Variants in FHOD3 observed in about 807,000 individuals in gnomAD.
FHOD3 encodes the protein formin homology 2 domain containing 3, also known as FH1/FH2 domain-containing protein 3.
Under a neutral mutation model 173.0 loss-of-function variants are expected in FHOD3, and 90 were observed. That is an observed-to-expected ratio of 0.52 (90% CI 0.44 to 0.62). FHOD3 has a LOEUF of 0.62. FHOD3 is among the 20% of genes least tolerant of loss of function. The probability of loss-of-function intolerance (pLI) is 0.00; values close to 1 mark genes in which losing one functional copy is unlikely to be tolerated. For missense variants in FHOD3, 1,945 were observed against 2,034.7 expected, an observed-to-expected ratio of 0.96 and a Z score of 0.85; for synonymous variants, 828 against 823.0, an observed-to-expected ratio of 1.01 and a Z score of -0.10.
intron 2 of FHOD3, among the ~76,000 whole-genome samples, chr18:36,360,792 G>T (rs950033079): frequency 6.6e-6 from 1 of 152,154 alleles, no homozygotes; most frequent in Non-Finnish European, 1.5e-5. Flanking sequence ...AGAGGTCTTT[G>T]CCTCTCAAAA....
chr18:36,450,017 AT>A (rs1391289810), intron 3 of FHOD3, among the ~76,000 whole-genome samples: 2 of 152,126 alleles, frequency 1.3e-5, no homozygotes, highest in Middle Eastern at 3.2e-3. Flanking sequence ...TAGTGCACTT[AT>A]CACTGGAGCG....
At chr18:36,443,276 G>A (rs765943253) in intron 3 of FHOD3, among the ~76,000 whole-genome samples, 1 of 152,088 alleles carries the variant, frequency 6.6e-6, no homozygotes, top group Non-Finnish European at 1.5e-5. Context: ...TTTGCCAAAT[G>A]GTAATTTTCT....
intron 10 of FHOD3, among the ~76,000 whole-genome samples, chr18:36,632,754 C>T (rs938104706): frequency 2.6e-5 from 4 of 152,102 alleles, no homozygotes; most frequent in Non-Finnish European, 5.9e-5. Flanking sequence ...AGGGATGGAG[C>T]CAGTGTTAGC....
At position 36,297,749 on chromosome 18, in the gene FHOD3, C is replaced by T. The variant is rs1438351810; in HGVS notation, c.-87C>T. The T allele has an allele frequency of 2.6e-5, 28 of 1,093,596 alleles. No individual in the cohort carries two copies. Among genetic ancestry groups the T allele is most frequent in the Non-Finnish European group, 3.2e-5 (27 of 854,842 alleles). 67.7% of individuals were successfully genotyped at this position (1,093,596 alleles called of 1,614,324 possible). A position where few individuals can be genotyped will look rare whatever the true frequency, so the allele number is the denominator to read the frequency against. On this transcript the variant is annotated 5_prime_UTR_variant, in exon 1 of 29. Coordinates refer to ENST00000590592, the MANE Select transcript of FHOD3 (RefSeq NM_001281740.3). The stretch of plus-strand genomic sequence containing the variant: ...TCCGCGAGCCAGCGAGCTGCGGCTG[C>T]GGCCTCCCCTGCGCGCAGCTACCCG...
At position 36,652,577 on chromosome 18, in the gene FHOD3, G is replaced by A. The variant is rs1439898884; in HGVS notation, c.1294G>A (p.Gly432Ser). The A allele has an allele frequency of 9.2e-6, 14 of 1,526,140 alleles. No individual in the cohort carries two copies. Among genetic ancestry groups the A allele is most frequent in the East Asian group, 2.5e-5 (1 of 40,680 alleles). The allele number at this position is 1,526,140 out of a possible 1,614,324, so 94.5% of individuals were successfully genotyped here. ...TCCCTGCTGGCCCAACAGCAAGGTC[G>A]GCGCTGCCTCAGGGCAGAGCCCCAC... ...ASCQGKDSKV[G>S]AASGQSPTGR... The change falls in exon 12 of 29, where the codon GGC (glycine) becomes AGC (serine). Residue 432 changes from glycine to serine, a missense_variant. Gly to Ser is a moderately conservative substitution (Grantham distance 56). Coordinates refer to ENST00000590592, the MANE Select transcript of FHOD3 (RefSeq NM_001281740.3).
chr18:36,598,557 AT>A (rs35401627), intron 7 of FHOD3, among the ~76,000 whole-genome samples: 38,497 of 147,900 alleles, frequency 0.26, 5,215 homozygotes, highest in East Asian at 0.37. Flanking sequence ...TTGTTTTTAA[AT>A]TTTTTTTTTT....
intron 3 of FHOD3, among the ~76,000 whole-genome samples, chr18:36,481,665 T>C (rs1038158463): frequency 2.6e-5 from 4 of 152,124 alleles, no homozygotes; most frequent in African/African-American, 7.2e-5. Context: ...ATAAACAAAA[T>C]ACAAATGACA....
chr18:36,455,272 G>T (rs1363513611), intron 3 of FHOD3, among the ~76,000 whole-genome samples: 1 of 152,192 alleles, frequency 6.6e-6, no homozygotes, highest in Non-Finnish European at 1.5e-5. Context: ...CTGGCAAGAT[G>T]CTGGCTTACC....
intron 3 of FHOD3, among the ~76,000 whole-genome samples, chr18:36,424,085 G>C (rs1407418952): frequency 6.6e-6 from 1 of 152,110 alleles, no homozygotes; most frequent in Non-Finnish European, 1.5e-5. Flanking sequence ...CACACCTAAA[G>C]CATCTCCCAC....
At chr18:36,410,697 T>C (rs1311409502) in intron 3 of FHOD3, among the ~76,000 whole-genome samples, 2 of 152,206 alleles carry the variant, frequency 1.3e-5, no homozygotes, top group Admixed American at 6.5e-5. Flanking sequence ...TAGCTGTTTT[T>C]AGTGAGTTTG....
At chr18:36,445,658 A>G (rs1320811806) in intron 3 of FHOD3, among the ~76,000 whole-genome samples, 3 of 152,176 alleles carry the variant, frequency 2.0e-5, no homozygotes, top group South Asian at 2.1e-4. Flanking sequence ...TAAAATTCCT[A>G]TAAAAATGAG....
rs1457893237 is a variant in FHOD3, at chr18:36,748,356, ACGCACG to A, written c.4232+1227_4232+1232del. Among the ~76,000 whole-genome samples, 3 of 146,002 alleles carry A rather than the reference ACGCACG, an allele frequency of 2.1e-5. No individual in the cohort carries two copies. In the Admixed American group the frequency reaches 2.1e-4, roughly 10 times the overall value. ...GCAAGCAATTCCCCATTTAAAATAC[ACGCACG>A]CGCACACACACACACACACAACACA... On this transcript the variant is annotated intron_variant, in intron 24 of 28. Transcript: ENST00000590592.
intron 2 of FHOD3, among the ~76,000 whole-genome samples, chr18:36,369,476 CACACACACACACACACACACACAT>C (rs1417250663): frequency 7.7e-6 from 1 of 129,080 alleles, no homozygotes; most frequent in African/African-American, 3.0e-5. Context: ...CACACACACA[CACACACACACACACACACACACAT>C]ATATATAGAG....
chr18:36,454,264 G>A (rs2052035139), intron 3 of FHOD3, among the ~76,000 whole-genome samples: 1 of 151,814 alleles, frequency 6.6e-6, no homozygotes, highest in African/African-American at 2.4e-5. Context: ...ATACACAGGG[G>A]CACACACACA....
intron 15 of FHOD3, among the ~76,000 whole-genome samples, chr18:36,682,579 G>GTT (rs2038322956): frequency 6.6e-6 from 1 of 151,994 alleles, no homozygotes; most frequent in African/African-American, 2.4e-5. Flanking sequence ...ACGTGTTTTT[G>GTT]TTTTGTTTTG....
rs372733813 is a variant in FHOD3 at position 36,361,766 on chromosome 18, C to G, written c.272+6121C>G. Reference sequence around the variant, plus strand: ...TGTTTGGGAACCTGCAGCGTAGGCTCTCAGTCTTGGAGAATATTGCCACCC... The same window carrying G: ...TGTTTGGGAACCTGCAGCGTAGGCTGTCAGTCTTGGAGAATATTGCCACCC... On this transcript the variant is annotated intron_variant, in intron 2 of 28. Coordinates refer to ENST00000590592, the MANE Select transcript of FHOD3 (RefSeq NM_001281740.3). Among the ~76,000 whole-genome samples, 364 of 152,084 alleles carry G rather than the reference C, an allele frequency of 2.4e-3. 3 individuals carry two copies. Among genetic ancestry groups the G allele is most frequent in the African/African-American group, 8.1e-3 (336 of 41,500 alleles).
chr18:36,630,397 A>G (rs1026916754), intron 10 of FHOD3, among the ~76,000 whole-genome samples: 2 of 152,208 alleles, frequency 1.3e-5, no homozygotes, highest in African/African-American at 4.8e-5. Context: ...AAGTCCGTTT[A>G]GCAAAGTTTC....
rs1476199283 is a variant in FHOD3, at chr18:36,365,155, A to G, written c.273-7525A>G. Among the ~76,000 whole-genome samples, 5 of 152,196 alleles carry G rather than the reference A, an allele frequency of 3.3e-5. No homozygotes were observed. The East Asian group carries it at 7.7e-4, about 23-fold the overall frequency. On this transcript the variant is annotated intron_variant, in intron 2 of 28. Coordinates refer to ENST00000590592, the MANE Select transcript of FHOD3 (RefSeq NM_001281740.3). ...CCAAAACAATGAAACTCCCAGAGGAAAACAGGAGCAAGTCTCCATGACTGG... is the reference window on the plus strand; with the variant it reads ...CCAAAACAATGAAACTCCCAGAGGAGAACAGGAGCAAGTCTCCATGACTGG...
At chr18:36,517,163 A>G (rs2056033391) in intron 5 of FHOD3, among the ~76,000 whole-genome samples, 2 of 152,184 alleles carry the variant, frequency 1.3e-5, no homozygotes, top group Non-Finnish European at 2.9e-5. Flanking sequence ...CTGACTTATT[A>G]TTCCTGGGTG....
Sources: gnomAD v4.1 joint callset for allele counts (sites outside exome capture counted in the v4.1 genomes callset) on GRCh38, gnomAD v4.1.1 for gene constraint, MANE v1.5 for transcripts, NCBI Gene and HGNC (gene_info 2026-07-23, HGNC 2026-07-21) for gene names.